The following NXPE4 variants were observed in gnomAD, a reference collection of about 807,000 sequenced individuals.
NXPE4 encodes neurexophilin and PC-esterase domain family member 4.
In NXPE4, 42 loss-of-function variants were observed where a neutral mutation model predicts 33.3. The observed-to-expected ratio is 1.26, with a 90% CI of 0.98 to 1.63. The LOEUF (loss-of-function observed/expected upper bound fraction) is 1.63. NXPE4 is among the 40% of genes most tolerant of loss of function. NXPE4 has a pLI of 0.00. For synonymous variants in NXPE4, 253 were observed against 234.9 expected (o/e 1.08, Z -0.71); for missense variants, 709 against 647.6 (o/e 1.09, Z -1.03).
chr11:114,637,798 C>G, the NXPE4 span, among the ~76,000 whole-genome samples: 6 of 152,128 alleles, frequency 3.9e-5, no homozygotes, highest in East Asian at 1.2e-3. Flanking sequence ...GGCCCCCACT[C>G]TCTTCTGGCT....
the NXPE4 span, among the ~76,000 whole-genome samples, chr11:114,628,330 A>G: frequency 3.3e-5 from 5 of 152,132 alleles, no homozygotes; most frequent in Admixed American, 6.5e-5. Context: ...CTCTCAGACC[A>G]CAGTGCAATC....
At chr11:114,650,223 G>C in the NXPE4 span, among the ~76,000 whole-genome samples, 1 of 152,150 alleles carries the variant, frequency 6.6e-6, no homozygotes, top group Non-Finnish European at 1.5e-5. Flanking sequence ...ATCTTTGGTA[G>C]AGCACAGGAA....
intron 2 of NXPE4, among the ~76,000 whole-genome samples, chr11:114,590,846 C>T (rs533059985): frequency 8.4e-4 from 128 of 152,324 alleles, no homozygotes; most frequent in Non-Finnish European, 1.7e-3. Flanking sequence ...CACAATGTAG[C>T]AGGATTGCTG....
At chr11:114,572,522 C>T (rs1019634196) in intron 5 of NXPE4, among the ~76,000 whole-genome samples, 19 of 151,956 alleles carry the variant, frequency 1.3e-4, no homozygotes, top group African/African-American at 1.9e-4. Context: ...AAATAAAAAA[C>T]AATCACAATT....
the NXPE4 span, among the ~76,000 whole-genome samples, chr11:114,608,264 T>C: frequency 0.43 from 64,913 of 151,190 alleles, 15,193 homozygotes; most frequent in African/African-American, 0.61. Context: ...AGTTTTGCCT[T>C]GTGGGTAACC....
intron 5 of NXPE4, among the ~76,000 whole-genome samples, chr11:114,576,311 G>T (rs1565328704): frequency 6.6e-6 from 1 of 151,602 alleles, no homozygotes; most frequent in Admixed American, 6.6e-5. Context: ...TATGACCAAG[G>T]ACCCAAAAGC....
chr11:114,603,974 G>T, the NXPE4 span, among the ~76,000 whole-genome samples: 3 of 151,400 alleles, frequency 2.0e-5, no homozygotes, highest in Non-Finnish European at 2.9e-5. Context: ...ACTATTACCT[G>T]GTGGATAATA....
chr11:114,647,991 T>C, the NXPE4 span, among the ~76,000 whole-genome samples: 1 of 152,210 alleles, frequency 6.6e-6, no homozygotes, highest in Non-Finnish European at 1.5e-5. Context: ...TGAGCCACTG[T>C]TGCCGGCCGA....
chr11:114,633,109 TTA>T, the NXPE4 span, among the ~76,000 whole-genome samples: 1 of 122,140 alleles, frequency 8.2e-6, no homozygotes, highest in African/African-American at 3.2e-5. Context: ...ATATTTTACA[TTA>T]TATTTTATAT....
At position 114,580,170 on chromosome 11, in the gene NXPE4, A is replaced by G; in HGVS notation, c.1061T>C (p.Ile354Thr). 6.2e-7 allele frequency: 1 copy of G among 1,614,076 alleles called. No individual in the cohort carries two copies. The highest frequency in any genetic ancestry group is 8.5e-7 in the Non-Finnish European group (1 of 1,179,934). The change falls in exon 5 of 6, where the codon ATC (isoleucine) becomes ACC (threonine). Residue 354 changes from isoleucine to threonine, a missense_variant. By Grantham distance (89) the Ile-to-Thr change is moderately conservative (BLOSUM62 -1). Coordinates refer to ENST00000375478, the MANE Select transcript of NXPE4 (RefSeq NM_001077639.2). Reference sequence around the variant, plus strand: ...TTTGAAGTATTCCATCCACTGGCGGATCGTGGAATCTCCCATTAGGTATAT... The same window carrying G: ...TTTGAAGTATTCCATCCACTGGCGGGTCGTGGAATCTCCCATTAGGTATAT... The part of the protein sequence containing the change: ...KLIYLMGDST[I>T]RQWMEYFKAS...
the NXPE4 span, among the ~76,000 whole-genome samples, chr11:114,633,413 T>C: frequency 1.4e-5 from 2 of 145,666 alleles, no homozygotes; most frequent in South Asian, 2.1e-4. Flanking sequence ...TATTTTATTA[T>C]ATGTTATATA....
chr11:114,602,819 A>G, the NXPE4 span, among the ~76,000 whole-genome samples: 1 of 146,688 alleles, frequency 6.8e-6, no homozygotes, highest in Non-Finnish European at 1.5e-5. Flanking sequence ...AGAATCATAT[A>G]TAATAATTAT....
chr11:114,618,137 T>A, the NXPE4 span, among the ~76,000 whole-genome samples: 1 of 151,314 alleles, frequency 6.6e-6, no homozygotes, highest in Non-Finnish European at 1.5e-5. Context: ...CAGTGTTACC[T>A]GGTGGATAGT....
the NXPE4 span, among the ~76,000 whole-genome samples, chr11:114,656,256 G>C: frequency 6.6e-6 from 1 of 151,996 alleles, no homozygotes; most frequent in Non-Finnish European, 1.5e-5. Flanking sequence ...AGAACTACAA[G>C]CCACTACTCA....
At chr11:114,583,155 T>C in intron 2 of NXPE4, 134 bp from the exon 3 acceptor site, 1 of 948,980 alleles carries the variant, frequency 1.1e-6, no homozygotes, top group South Asian at 1.7e-5. Context: ...TGAATATTGA[T>C]TTACATACTA....
chr11:114,672,414 A>G, the NXPE4 span, among the ~76,000 whole-genome samples: 1 of 151,936 alleles, frequency 6.6e-6, no homozygotes, highest in Non-Finnish European at 1.5e-5. Context: ...TAAAGGAAGA[A>G]CAGAGAAAAA....
the NXPE4 span, among the ~76,000 whole-genome samples, chr11:114,650,395 G>A: frequency 6.6e-6 from 1 of 152,208 alleles, no homozygotes; most frequent in African/African-American, 2.4e-5. Context: ...ATCCTCCACT[G>A]CTATTTATGA....
At chr11:114,633,262 T>G in the NXPE4 span, among the ~76,000 whole-genome samples, 1 of 135,142 alleles carries the variant, frequency 7.4e-6, no homozygotes, top group Admixed American at 7.9e-5. Context: ...TATATAAGAA[T>G]GTTATATAGT....
chr11:114,651,453 G>A, the NXPE4 span, among the ~76,000 whole-genome samples: 3 of 152,202 alleles, frequency 2.0e-5, no homozygotes, highest in African/African-American at 7.2e-5. Flanking sequence ...TAAAGGTAGT[G>A]TGGACCCAAA....
Sources: allele counts gnomAD v4.1 joint callset (sites outside exome capture counted in the v4.1 genomes callset), GRCh38; gene constraint gnomAD v4.1.1; transcripts MANE v1.5; gene names NCBI Gene and HGNC (gene_info 2026-07-23, HGNC 2026-07-21).